The following GALNT18 variants were observed in gnomAD, a reference collection of about 807,000 sequenced individuals.
GALNT18 encodes polypeptide N-acetylgalactosaminyltransferase 18, also known as GalNAc-transferase 18.
Under a neutral mutation model 69.5 loss-of-function variants are expected in GALNT18, and 44 were observed. The observed-to-expected ratio is 0.63, with a 90% CI of 0.50 to 0.81. GALNT18 has a LOEUF of 0.81. Ranked by LOEUF, GALNT18 falls within the 40% of genes least tolerant of loss-of-function variation. GALNT18 has a pLI of 0.00. For synonymous variants in GALNT18, 364 were observed against 318.2 expected (o/e 1.14, Z -1.53); for missense variants, 715 against 810.0 (o/e 0.88, Z 1.42).
At chr11:11,376,935 G>A (rs998258231) in intron 5 of GALNT18, among the ~76,000 whole-genome samples, 15 of 152,198 alleles carry the variant, frequency 9.9e-5, no homozygotes, top group African/African-American at 3.4e-4. Flanking sequence ...CTGGAGCACA[G>A]TGGTTGGCGC....
At chr11:11,273,873 G>C (rs1848878919) in intron 10 of GALNT18, among the ~76,000 whole-genome samples, 1 of 151,920 alleles carries the variant, frequency 6.6e-6, no homozygotes, top group Non-Finnish European at 1.5e-5. Context: ...TTAAAATAAT[G>C]AGACTCTGGT....
rs1475521231 is a variant in GALNT18, at chr11:11,480,762, C to T, written c.236-31826G>A. ...TCAGCACTTCTCACAGCGTGCTCTA[C>T]AGAACCCTAGTTCCGTGCAGAGTTA... On this transcript the variant is annotated intron_variant, in intron 1 of 10. Transcript: ENST00000227756. The surrounding 1 kb of genome is among the most constrained non-coding windows in gnomAD (Gnocchi z 4.6). Among the ~76,000 whole-genome samples, 4 of 152,208 alleles carry T rather than the reference C, an allele frequency of 2.6e-5. No homozygotes were observed. Among genetic ancestry groups the T allele is most frequent in the South Asian group, 4.1e-4 (2 of 4,832 alleles).
chr11:11,424,780 G>A (rs560899271), intron 3 of GALNT18, among the ~76,000 whole-genome samples: 1 of 152,196 alleles, frequency 6.6e-6, no homozygotes, highest in Non-Finnish European at 1.5e-5. Flanking sequence ...CCATGGAGGA[G>A]TTTCTGGAAA....
chr11:11,509,131 T>C lies in GALNT18; in HGVS notation c.236-60195A>G, dbSNP rs978093731. 2.0e-5 allele frequency among the ~76,000 whole-genome samples: 3 copies of C among 152,030 alleles called. 1 individual carries two copies. In the East Asian group the frequency reaches 5.8e-4, roughly 29 times the overall value. On this transcript the variant is annotated intron_variant, in intron 1 of 10. Coordinates refer to ENST00000227756, the MANE Select transcript of GALNT18 (RefSeq NM_198516.3). ...TCCTCTGTCTTGAATGCCCTGATTCTCATCTTTCACAAGTGTTTGCTAAAG... is the reference window on the plus strand; with the variant it reads ...TCCTCTGTCTTGAATGCCCTGATTCCCATCTTTCACAAGTGTTTGCTAAAG...
At chr11:11,328,286 C>A (rs1590040164) in intron 8 of GALNT18, among the ~76,000 whole-genome samples, 1 of 152,222 alleles carries the variant, frequency 6.6e-6, no homozygotes, top group East Asian at 1.9e-4. Flanking sequence ...ACCCCCCTCA[C>A]CTTAACTTGA....
intron 10 of GALNT18, among the ~76,000 whole-genome samples, chr11:11,272,587 C>T (rs1213456864): frequency 6.6e-6 from 1 of 152,216 alleles, no homozygotes; most frequent in Non-Finnish European, 1.5e-5. Flanking sequence ...TTTTCTGAAC[C>T]CATTTACATT....
At chr11:11,311,336 A>G (rs1018017848) in intron 9 of GALNT18, among the ~76,000 whole-genome samples, 4 of 152,104 alleles carry the variant, frequency 2.6e-5, no homozygotes, top group African/African-American at 4.8e-5. Context: ...GGCACGGTAT[A>G]CATGCCATTA....
chr11:11,351,414 G>A (rs2133066774), intron 6 of GALNT18, among the ~76,000 whole-genome samples: 1 of 152,364 alleles, frequency 6.6e-6, no homozygotes, highest in Non-Finnish European at 1.5e-5. Context: ...ACTTACGCAA[G>A]AGGGAGCCAG....
rs530234378 is a variant in GALNT18, at chr11:11,494,395, A to G, written c.236-45459T>C. On this transcript the variant is annotated intron_variant, in intron 1 of 10. Coordinates refer to ENST00000227756, the MANE Select transcript of GALNT18 (RefSeq NM_198516.3). This position sits in a 1 kb window ranked among gnomAD's most constrained non-coding sequence, Gnocchi z 5.7. ...TATTTGCCAGTGGCCATCTTGTCTGAGAATGACAACCTACTTCAAGGGGCC... is the reference window on the plus strand; with the variant it reads ...TATTTGCCAGTGGCCATCTTGTCTGGGAATGACAACCTACTTCAAGGGGCC... Among the ~76,000 whole-genome samples the G allele has an allele frequency of 1.3e-5, 2 of 152,190 alleles. No homozygotes were observed. Among genetic ancestry groups the G allele is most frequent in the Non-Finnish European group, 2.9e-5 (2 of 68,030 alleles).
chr11:11,567,203 A>C (rs972320333), intron 1 of GALNT18, among the ~76,000 whole-genome samples: 42 of 152,186 alleles, frequency 2.8e-4, no homozygotes, highest in Admixed American at 1.2e-3. Context: ...ATTTATGTGA[A>C]GGTTTCTGCT....
intron 1 of GALNT18, chr11:11,475,489 C>T (rs547170081): frequency 1.3e-5 from 2 of 152,294 alleles, no homozygotes; most frequent in South Asian, 4.1e-4. Context: ...AGAATTGTGG[C>T]TCTTGAGACC....
chr11:11,308,004 T>C (rs4909983), intron 9 of GALNT18, among the ~76,000 whole-genome samples: 116,498 of 152,012 alleles, frequency 0.77, 45,355 homozygotes, highest in Admixed American at 0.86. Flanking sequence ...AAGGAGATGT[T>C]GTTTCTCTCA....
At chr11:11,303,727 A>T (rs567884751) in intron 9 of GALNT18, among the ~76,000 whole-genome samples, 191 of 152,188 alleles carry the variant, frequency 1.3e-3, no homozygotes, top group Middle Eastern at 3.2e-3. Flanking sequence ...CCTGCAAGGC[A>T]GACCTGGGGC....
rs777533556 is a variant in GALNT18 at position 11,596,255 on chromosome 11, C to T, written c.235+25104G>A. 6.6e-6 allele frequency among the ~76,000 whole-genome samples: 1 copy of T among 152,184 alleles called. No homozygotes were observed. Among genetic ancestry groups the T allele is most frequent in the African/African-American group, 2.4e-5 (1 of 41,456 alleles). On this transcript the variant is annotated intron_variant, in intron 1 of 10. Transcript: ENST00000227756. The surrounding 1 kb of genome is among the most constrained non-coding windows in gnomAD (Gnocchi z 4.2). ...TTCTGTTGATCAGTGTGTCTGTCCTCATGCCTGTATCACACTGCCTTAATT... is the reference window on the plus strand; with the variant it reads ...TTCTGTTGATCAGTGTGTCTGTCCTTATGCCTGTATCACACTGCCTTAATT...
intron 3 of GALNT18, among the ~76,000 whole-genome samples, chr11:11,411,111 G>C (rs1474807509): frequency 6.6e-6 from 1 of 152,140 alleles, no homozygotes; most frequent in Non-Finnish European, 1.5e-5. Flanking sequence ...CCAGAAGTTA[G>C]AGATCATCCT....
intron 9 of GALNT18, among the ~76,000 whole-genome samples, chr11:11,306,087 A>G (rs772562175): frequency 2.0e-5 from 3 of 152,236 alleles, no homozygotes; most frequent in Non-Finnish European, 4.4e-5. Flanking sequence ...TGCCATGTCT[A>G]GACCTTACCT....
At chr11:11,483,552 G>A (rs543483856) in intron 1 of GALNT18, among the ~76,000 whole-genome samples, 3 of 152,332 alleles carry the variant, frequency 2.0e-5, no homozygotes, top group South Asian at 4.1e-4. Flanking sequence ...ATCTGAAAAT[G>A]TGCCCCCTAC....
chr11:11,531,345 T>C (rs1203593783), intron 1 of GALNT18, among the ~76,000 whole-genome samples: 1 of 152,164 alleles, frequency 6.6e-6, no homozygotes, highest in African/African-American at 2.4e-5. Flanking sequence ...TCTTGCCAGC[T>C]GTACCACCAC....
At chr11:11,277,036 A>AG (rs1213603729) in intron 10 of GALNT18, among the ~76,000 whole-genome samples, 1 of 152,208 alleles carries the variant, frequency 6.6e-6, no homozygotes, top group African/African-American at 2.4e-5. Context: ...AAAATGAGTT[A>AG]GGGAGGATTC....
Sources: gnomAD v4.1 joint callset for allele counts (sites outside exome capture counted in the v4.1 genomes callset) on GRCh38, gnomAD v4.1.1 for gene constraint, Gnocchi (gnomAD v3.1) non-coding constraint, MANE v1.5 for transcripts, NCBI Gene and HGNC (gene_info 2026-07-23, HGNC 2026-07-21) for gene names.